The following ZNF721 variants were observed in gnomAD, a reference collection of about 807,000 sequenced individuals.
The protein encoded by ZNF721 is zinc finger protein 721.
Under a neutral mutation model 2.4 loss-of-function variants are expected in ZNF721, and 2 were observed. The ratio of observed to expected loss-of-function variants is 0.82; its 90% CI spans 0.34 to 2.58. The LOEUF (loss-of-function observed/expected upper bound fraction) is 2.58, where lower values mean the gene tolerates loss of function less well. Ranked by LOEUF, ZNF721 falls within the 30% of genes most tolerant of loss-of-function variation. The pLI is 0.11. For synonymous variants in ZNF721, 398 were observed against 381.8 expected (o/e 1.04, Z -0.50); for missense variants, 1,187 against 1,085.5 (o/e 1.09, Z -1.31).
Position 442,592 on chromosome 4 carries a change from G to A in ZNF721, c.1875C>T (p.Tyr625=). The change falls in exon 3 of 3, where the codon TAC becomes TAT. Residue 625 remains tyrosine, a synonymous_variant. Transcript: ENST00000511833. ...TTTTCTTCTGTTGATTCAGGTCCGT[G>A]TACCATACAAAGTCTTTGCCACACT... ...CEECGKDFVW[Y]TDLNQQKKIY... The A allele has an allele frequency of 1.2e-6, 2 of 1,611,636 alleles. No homozygotes were observed. Among genetic ancestry groups the A allele is most frequent in the Non-Finnish European group, 1.7e-6 (2 of 1,179,356 alleles).
chr4:459,840 A>AT (rs1714962770), intron 2 of ZNF721, among the ~76,000 whole-genome samples: 1 of 149,386 alleles, frequency 6.7e-6, no homozygotes, highest in East Asian at 2.0e-4. Flanking sequence ...CAAAAAAAAA[A>AT]GGTGGGGGAG....
chr4:481,546 T>G (rs1553869456), intron 1 of ZNF721, among the ~76,000 whole-genome samples: 2 of 152,036 alleles, frequency 1.3e-5, no homozygotes, highest in Admixed American at 6.6e-5. Context: ...CTGTTGTGTT[T>G]CAGAAGACAC....
rs187939916 is a variant in ZNF721 at position 453,390 on chromosome 4, G to A, written c.35-8958C>T. On this transcript the variant is annotated intron_variant, in intron 2 of 2. Transcript: ENST00000511833. ...AATACTGGGAAGATACCTGAATCCTGGCACACACCACCATTATCACTGTTC... is the reference window on the plus strand; with the variant it reads ...AATACTGGGAAGATACCTGAATCCTAGCACACACCACCATTATCACTGTTC... 2.3e-3 allele frequency: 352 copies of A among 152,346 alleles called. 5 individuals carry two copies. Among genetic ancestry groups the A allele is most frequent in the African/African-American group, 8.1e-3 (336 of 41,568 alleles). 9.4% of individuals were successfully genotyped at this position (152,346 alleles called of 1,614,324 possible).
intron 1 of ZNF721, among the ~76,000 whole-genome samples, chr4:491,028 C>T (rs1716006795): frequency 6.6e-6 from 1 of 151,988 alleles, no homozygotes; most frequent in East Asian, 1.9e-4. Flanking sequence ...CTCAGTATAG[C>T]ACTGTGCCAT....
At chr4:470,874 C>A (rs890990088) in intron 2 of ZNF721, among the ~76,000 whole-genome samples, 1 of 151,902 alleles carries the variant, frequency 6.6e-6, no homozygotes, top group South Asian at 2.1e-4. Flanking sequence ...GTGGTGTGCA[C>A]CAGGAATCAC....
At chr4:494,059 T>G (rs533734522) in intron 1 of ZNF721, among the ~76,000 whole-genome samples, 1 of 152,338 alleles carries the variant, frequency 6.6e-6, no homozygotes, top group South Asian at 2.1e-4. Context: ...GATAAAGTAT[T>G]TAAGTGCTTT....
At chr4:457,256 G>A (rs966204356) in intron 2 of ZNF721, among the ~76,000 whole-genome samples, 1 of 152,152 alleles carries the variant, frequency 6.6e-6, no homozygotes, top group Non-Finnish European at 1.5e-5. Flanking sequence ...TAAGATGGCA[G>A]GAGGTTCTCT....
At chr4:452,554 G>T (rs797043318) in intron 2 of ZNF721, among the ~76,000 whole-genome samples, 1 of 152,168 alleles carries the variant, frequency 6.6e-6, no homozygotes, top group African/African-American at 2.4e-5. Flanking sequence ...TCAACAAGCT[G>T]AACAAGCGGT....
intron 2 of ZNF721, among the ~76,000 whole-genome samples, chr4:471,193 A>C (rs188981237): frequency 1.3e-5 from 2 of 152,276 alleles, no homozygotes; most frequent in East Asian, 3.9e-4. Context: ...ATCATCATAA[A>C]AACCAGTAAA....
intron 1 of ZNF721, among the ~76,000 whole-genome samples, chr4:490,421 A>G (rs1715991820): frequency 1.3e-5 from 2 of 152,038 alleles, no homozygotes; most frequent in South Asian, 4.1e-4. Flanking sequence ...GTGAGCCAAG[A>G]TTGTGCCACT....
Position 442,025 on chromosome 4 carries a change from A to T in ZNF721, c.2442T>A (p.Cys814Ter). 6.2e-7 allele frequency: 1 copy of T among 1,613,990 alleles called. No homozygotes were observed. Among genetic ancestry groups the T allele is most frequent in the South Asian group, 1.1e-5 (1 of 91,080 alleles). Residue 814 changes from cysteine to a stop codon, truncating the protein, a stop_gained, in exon 3 of 3, where the codon TGT becomes TGA. Transcript: ENST00000511833. LOFTEE classifies it low-confidence loss of function (END_TRUNC). Reference sequence around the variant, plus strand: ...TTGTGGAACTAGTAAACGCTTTACCACATTCTAAACATTTAAAGGGTTTCT... The same window carrying T: ...TTGTGGAACTAGTAAACGCTTTACCTCATTCTAAACATTTAAAGGGTTTCT... ...TGEKPFKCLE[C>*]GKAFTSSTTL...
At chr4:466,035 C>T (rs1715241181) in intron 2 of ZNF721, among the ~76,000 whole-genome samples, 2 of 141,480 alleles carry the variant, frequency 1.4e-5, no homozygotes, top group South Asian at 2.5e-4. Context: ...CTCACTCTAT[C>T]GCTCAGGCTG....
chr4:473,456 G>C (rs977060377), intron 1 of ZNF721, among the ~76,000 whole-genome samples: 1 of 152,172 alleles, frequency 6.6e-6, no homozygotes, highest in African/African-American at 2.4e-5. Flanking sequence ...ACAGGGCAAG[G>C]GGACTGGTGG....
intron 1 of ZNF721, among the ~76,000 whole-genome samples, chr4:487,530 T>C (rs1159980332): frequency 2.0e-5 from 3 of 152,208 alleles, no homozygotes; most frequent in African/African-American, 7.2e-5. Flanking sequence ...CTAGTATGTT[T>C]TGGGATTGTT....
At chr4:492,627 A>G (rs1197666094) in intron 1 of ZNF721, among the ~76,000 whole-genome samples, 1 of 146,890 alleles carries the variant, frequency 6.8e-6, no homozygotes, top group Non-Finnish European at 1.5e-5. Flanking sequence ...TTTTTTTTTC[A>G]TAAATCCTTT....
intron 2 of ZNF721, among the ~76,000 whole-genome samples, chr4:466,636 T>C (rs561634402): frequency 6.6e-6 from 1 of 152,312 alleles, no homozygotes; most frequent in South Asian, 2.1e-4. Context: ...AGAAATTTCA[T>C]TTGTAGATTA....
At chr4:495,942 A>G (rs1023447184) in intron 1 of ZNF721, among the ~76,000 whole-genome samples, 48 of 152,266 alleles carry the variant, frequency 3.2e-4, no homozygotes, top group African/African-American at 1.2e-3. Flanking sequence ...CTTTAAAAAA[A>G]TCTTTTTAAA....
chr4:492,172 A>C (rs4690273), intron 1 of ZNF721, among the ~76,000 whole-genome samples: 106,794 of 143,896 alleles, frequency 0.74, 43,110 homozygotes, highest in Non-Finnish European at 0.89. Context: ...CAAAAAAAAA[A>C]AAACAAACAA....
chr4:469,390 A>T (rs1553867272), intron 2 of ZNF721, among the ~76,000 whole-genome samples: 1 of 152,222 alleles, frequency 6.6e-6, no homozygotes, highest in African/African-American at 2.4e-5. Flanking sequence ...ATAAAGCACA[A>T]AATCTAGTGT....
Sources: allele counts gnomAD v4.1 joint callset (sites outside exome capture counted in the v4.1 genomes callset), GRCh38; gene constraint gnomAD v4.1.1; transcripts MANE v1.5; gene names NCBI Gene and HGNC (gene_info 2026-07-23, HGNC 2026-07-21).